PRMT3: variants seen among roughly 807,000 people sequenced by gnomAD.
PRMT3 encodes the protein protein arginine N-methyltransferase 3.
PRMT3 carries 62 observed loss-of-function variants against 71.9 expected under a neutral mutation model. The observed-to-expected ratio is 0.86, with a 90% CI of 0.70 to 1.07. The LOEUF (loss-of-function observed/expected upper bound fraction) is 1.07. PRMT3 is among the 50% of genes least tolerant of loss of function. The probability of loss-of-function intolerance (pLI) is 0.00; values close to 1 mark genes in which losing one functional copy is unlikely to be tolerated. For synonymous variants in PRMT3, 213 were observed against 220.4 expected (o/e 0.97, Z 0.30); for missense variants, 663 against 643.0 (o/e 1.03, Z -0.34).
Position 20,437,107 on chromosome 11 carries a change from A to G in PRMT3, c.993+10242A>G, listed in dbSNP as rs569304063. Among the ~76,000 whole-genome samples the G allele has an allele frequency of 2.0e-3, 299 of 152,008 alleles. 1 individual carries two copies. Among genetic ancestry groups the G allele is most frequent in the African/African-American group, 6.7e-3 (276 of 41,468 alleles). ...AAACATTTATAATTCTATGGTATCT[A>G]TTTTAATGTCTCTTTGTTTCTGATT... is the stretch of plus-strand genomic sequence containing the variant. On this transcript the variant is annotated intron_variant, in intron 10 of 15. Coordinates refer to ENST00000331079, the MANE Select transcript of PRMT3 (RefSeq NM_005788.4).
intron 10 of PRMT3, among the ~76,000 whole-genome samples, chr11:20,445,271 T>A (rs1418177334): frequency 6.6e-6 from 1 of 152,142 alleles, no homozygotes; most frequent in African/African-American, 2.4e-5. Context: ...TTTTCTTTTT[T>A]AAAATTTTAT....
intron 12 of PRMT3, 25 bp from the exon 13 acceptor site, chr11:20,464,435 T>A: frequency 6.4e-7 from 1 of 1,557,270 alleles, no homozygotes; most frequent in Non-Finnish European, 8.6e-7. Context: ...ACTAAGCTCT[T>A]TCTTCACTTC....
At chr11:20,419,910 G>C (rs75320249) in intron 9 of PRMT3, among the ~76,000 whole-genome samples, 6,932 of 152,254 alleles carry the variant, frequency 0.046, 265 homozygotes, top group East Asian at 0.2. Flanking sequence ...AGTGGCTCAC[G>C]CCTGTAATTC....
intron 5 of PRMT3, among the ~76,000 whole-genome samples, 156 bp downstream of exon 5, chr11:20,393,155 A>G (rs1261239151): frequency 6.6e-6 from 1 of 152,244 alleles, no homozygotes; most frequent in Non-Finnish European, 1.5e-5. Flanking sequence ...AGTTGCTTAA[A>G]AACTAATAGT....
At chr11:20,393,815 A>G (rs908281594) in intron 5 of PRMT3, 7 of 152,222 alleles carry the variant, frequency 4.6e-5, no homozygotes, top group African/African-American at 1.7e-4. Flanking sequence ...GAAACTGGCC[A>G]AACAGTTTGA....
intron 10 of PRMT3, among the ~76,000 whole-genome samples, chr11:20,450,404 C>T (rs188127551): frequency 1.3e-5 from 2 of 152,048 alleles, no homozygotes; most frequent in Admixed American, 6.6e-5. Flanking sequence ...GTGAAATCTG[C>T]GTGAATATGT....
At chr11:20,425,646 G>A (rs969543705) in intron 9 of PRMT3, among the ~76,000 whole-genome samples, 9 of 152,108 alleles carry the variant, frequency 5.9e-5, no homozygotes, top group African/African-American at 1.9e-4. Context: ...AGGAAGCCAG[G>A]CACAAAAAGA....
At chr11:20,446,329 C>T (rs989616734) in intron 10 of PRMT3, among the ~76,000 whole-genome samples, 2 of 141,918 alleles carry the variant, frequency 1.4e-5, no homozygotes, top group African/African-American at 5.3e-5. Flanking sequence ...AATTATTTTG[C>T]CCATTTTTCT....
In PRMT3 at chr11:20,506,679, A is replaced by G. The variant is rs139251345; in HGVS notation, c.1487-1625A>G. On this transcript the variant is annotated intron_variant, in intron 15 of 15. Coordinates refer to ENST00000331079, the MANE Select transcript of PRMT3 (RefSeq NM_005788.4). ...AATACGATATTCATTCAGTACTTCA[A>G]TAGTTTTATGTAGATTTCCTTGGTC... Among the ~76,000 whole-genome samples the G allele has an allele frequency of 1.6e-3, 251 of 152,312 alleles. 1 individual carries two copies. The highest frequency in any genetic ancestry group is 4.8e-3 in the Admixed American group (74 of 15,300).
intron 9 of PRMT3, among the ~76,000 whole-genome samples, chr11:20,414,867 C>G (rs986626945): frequency 4.6e-5 from 7 of 152,108 alleles, no homozygotes; most frequent in Non-Finnish European, 2.9e-5. Context: ...GTGTCCTTCT[C>G]TAGACACAAG....
intron 10 of PRMT3, among the ~76,000 whole-genome samples, chr11:20,435,551 G>A (rs773720392): frequency 1.5e-4 from 23 of 152,082 alleles, no homozygotes; most frequent in Non-Finnish European, 2.9e-4. Context: ...TTGTTTGTTT[G>A]TTTGTTTGCA....
intron 13 of PRMT3, among the ~76,000 whole-genome samples, chr11:20,488,019 A>C (rs962900901): frequency 6.6e-6 from 1 of 152,002 alleles, no homozygotes; most frequent in Non-Finnish European, 1.5e-5. Flanking sequence ...TGCTTTGTCT[A>C]TTTTTTACCA....
At chr11:20,466,878 T>C (rs1264724701) in intron 13 of PRMT3, among the ~76,000 whole-genome samples, 1 of 151,802 alleles carries the variant, frequency 6.6e-6, no homozygotes, top group Non-Finnish European at 1.5e-5. Flanking sequence ...CATTTGTCCC[T>C]GTACAAAGTT....
chr11:20,509,328 A>G lies in PRMT3; in HGVS notation c.*915A>G, dbSNP rs538627650. 6.6e-6 allele frequency: 1 copy of G among 152,250 alleles called. No individual in the cohort carries two copies. The highest frequency in any genetic ancestry group is 2.1e-4 in the South Asian group (1 of 4,824). The allele number at this position is 152,250 out of a possible 1,614,324, so 9.4% of individuals were successfully genotyped here. The stretch of plus-strand genomic sequence containing the variant: ...ATAAAAGTTTTCAATAAAATATATC[A>G]AACAACATTATAAAATATTTCAACA... On this transcript the variant is annotated 3_prime_UTR_variant, in exon 16 of 16. Coordinates refer to ENST00000331079, the MANE Select transcript of PRMT3 (RefSeq NM_005788.4).
chr11:20,504,695 T>C (rs1043922259), intron 15 of PRMT3, among the ~76,000 whole-genome samples: 1 of 127,054 alleles, frequency 7.9e-6, no homozygotes, highest in African/African-American at 3.4e-5. Flanking sequence ...TGTATGTGTG[T>C]GTGTGTGTGT....
rs1031018902 is a variant in PRMT3 at position 20,387,787 on chromosome 11, G to A, written c.28+13G>A. 56 of 1,541,758 alleles carry A rather than the reference G, an allele frequency of 3.6e-5. No homozygotes were observed. Among genetic ancestry groups the A allele is most frequent in the Non-Finnish European group, 4.9e-5 (56 of 1,146,310 alleles). ...TCAGGCGCTACCGGTGGGTACCCTG[G>A]CCCCTCAGCACCCGGCTCGTCCAGC... On this transcript the variant is annotated intron_variant, in intron 1 of 15. Transcript: ENST00000331079. This position sits in a 1 kb window ranked among gnomAD's most constrained non-coding sequence, Gnocchi z 4.3.
intron 6 of PRMT3, 44 bp downstream of exon 6, chr11:20,396,006 A>C: frequency 6.3e-7 from 1 of 1,582,596 alleles, no homozygotes; most frequent in Non-Finnish European, 8.6e-7. Flanking sequence ...AGATCTCCAG[A>C]ATAATACAAC....
intron 7 of PRMT3, among the ~76,000 whole-genome samples, chr11:20,401,177 T>C (rs1848940409): frequency 6.6e-6 from 1 of 152,126 alleles, no homozygotes; most frequent in Non-Finnish European, 1.5e-5. Flanking sequence ...ATTCTTTTGA[T>C]TAAGGGGAAG....
chr11:20,474,958 A>G (rs1415479425), intron 13 of PRMT3, among the ~76,000 whole-genome samples: 1 of 152,236 alleles, frequency 6.6e-6, no homozygotes, highest in African/African-American at 2.4e-5. Context: ...AATAGGTGAA[A>G]GCAATGGAAG....
Sources: allele counts gnomAD v4.1 joint callset (sites outside exome capture counted in the v4.1 genomes callset), GRCh38; gene constraint gnomAD v4.1.1; non-coding constraint Gnocchi (gnomAD v3.1); transcripts MANE v1.5; gene names NCBI Gene and HGNC (gene_info 2026-07-23, HGNC 2026-07-21).